Variants in BRCA1 observed in about 807,000 individuals in gnomAD.
BRCA1 encodes the protein BRCA1 DNA repair associated, also known as breast cancer type 1 susceptibility protein.
A neutral mutation model predicts 173.7 loss-of-function variants in BRCA1; 140 were observed. That is an observed-to-expected ratio of 0.81 (90% CI 0.70 to 0.93). BRCA1 has a LOEUF of 0.93. Among genes scored for constraint, BRCA1 ranks in the 40% least tolerant of loss-of-function variants. The pLI is 0.00. For synonymous variants in BRCA1, 662 were observed against 756.0 expected, an observed-to-expected ratio of 0.88 and a Z score of 2.04; for missense variants, 1,983 against 2,172.5, an observed-to-expected ratio of 0.91 and a Z score of 1.73.
Position 43,044,709 on chromosome 17 carries a change from G to A in BRCA1, c.*969C>T, listed in dbSNP as rs921267262. 2.4e-5 allele frequency: 12 copies of A among 505,678 alleles called. No individual in the cohort carries two copies. The highest frequency in any genetic ancestry group is 2.3e-4 in the African/African-American group (12 of 52,258). 31.3% of individuals were successfully genotyped at this position (505,678 alleles called of 1,614,324 possible). On this transcript the variant is annotated 3_prime_UTR_variant, in exon 23 of 23. Transcript: ENST00000357654. ...AATTAGAAGACTGTCTTTGGAAACC[G>A]GTTCTTGAAAATCTTCTGCTGTTTT...
chr17:43,161,679 T>C (rs969066288), intron 1 of BRCA1: 1 of 152,134 alleles, frequency 6.6e-6, no homozygotes, highest in Non-Finnish European at 1.5e-5. Flanking sequence ...GTGAAGTCCT[T>C]CTCCACTCTT....
intron 12 of BRCA1, among the ~76,000 whole-genome samples, chr17:43,077,105 A>C (rs2052769057): frequency 6.6e-6 from 1 of 152,140 alleles, no homozygotes; most frequent in Admixed American, 6.6e-5. Context: ...GGTAAACAAG[A>C]CATGAGTGTC....
chr17:43,148,740 G>T (rs2056140068), intron 1 of BRCA1: 2 of 164,622 alleles, frequency 1.2e-5, no homozygotes, highest in South Asian at 2.0e-4. Flanking sequence ...TGACATTGAG[G>T]ATTCTTTTTT....
intron 1 of BRCA1, among the ~76,000 whole-genome samples, chr17:43,153,037 A>T (rs182345308): frequency 3.9e-4 from 60 of 152,100 alleles, no homozygotes; most frequent in Admixed American, 1.2e-3. Context: ...TCTGTCTCAA[A>T]AATAATAATA....
At chr17:43,120,332 ACT>A (rs1464158014) in intron 2 of BRCA1, among the ~76,000 whole-genome samples, 2 of 152,190 alleles carry the variant, frequency 1.3e-5, no homozygotes, top group African/African-American at 4.8e-5. Flanking sequence ...CACAAATAAC[ACT>A]GTTTCCAGTC....
At chr17:43,131,272 TA>T (rs1251855525) in intron 1 of BRCA1, 24 of 414,090 alleles carry the variant, frequency 5.8e-5, no homozygotes. Flanking sequence ...GATGAAGAGG[TA>T]AAGTATATTA....
At position 43,093,938 on chromosome 17, in the gene BRCA1, C is replaced by T. The variant is rs2154434764; in HGVS notation, c.1593G>A (p.Met531Ile). The T allele has an allele frequency of 6.2e-7, 1 of 1,613,822 alleles. No homozygotes were observed. Among genetic ancestry groups the T allele is most frequent in the South Asian group, 1.1e-5 (1 of 91,032 alleles). ...CCGTTTGGTTAGTTCCCTGATTTATCATTTCAGGAGTCTTTTGAACTGCCA... is the reference window on the plus strand; with the variant it reads ...CCGTTTGGTTAGTTCCCTGATTTATTATTTCAGGAGTCTTTTGAACTGCCA... ...ADLAVQKTPE[M>I]INQGTNQTEQ... Residue 531 changes from methionine to isoleucine, a missense_variant, in exon 10 of 23, where the codon ATG (methionine) becomes ATA (isoleucine). Physicochemically the swap from Met to Ile is conservative, Grantham distance 10. Coordinates refer to ENST00000357654, the MANE Select transcript of BRCA1 (RefSeq NM_007294.4).
upstream of BRCA1, chr17:43,125,371 A>T (rs1253346809): frequency 4.8e-6 from 2 of 414,456 alleles, no homozygotes; most frequent in East Asian, 1.5e-4. Flanking sequence ...CAGCGAGCTC[A>T]CGCCGCGCAG....
chr17:43,076,970 C>A (rs1351139374), intron 12 of BRCA1, among the ~76,000 whole-genome samples: 1 of 151,764 alleles, frequency 6.6e-6, no homozygotes, highest in African/African-American at 2.4e-5. Context: ...AAATTATGCC[C>A]AAATCCCCTC....
rs768054411 is a variant in BRCA1 at position 43,094,174 on chromosome 17, C to G, written c.1357G>C (p.Glu453Gln). ...AATATTTTGTCTTCAATATTACTCTCTACTGATTTGGAGTGAACTCTTTCA... is the reference window on the plus strand; with the variant it reads ...AATATTTTGTCTTCAATATTACTCTGTACTGATTTGGAGTGAACTCTTTCA... ...KSERVHSKSV[E>Q]SNIEDKIFGK... The change falls in exon 10 of 23, where the codon GAG becomes CAG. Residue 453 changes from glutamate (E) to glutamine (Q), a missense_variant. By Grantham distance (29) the Glu-to-Gln change is conservative. Coordinates refer to ENST00000357654, the MANE Select transcript of BRCA1 (RefSeq NM_007294.4). The G allele has an allele frequency of 4.3e-6, 7 of 1,613,946 alleles. No individual in the cohort carries two copies. In the African/African-American group the frequency reaches 5.3e-5, roughly 12 times the overall value.
At chr17:43,131,277 T>C in intron 1 of BRCA1, 1 of 433,714 alleles carries the variant, frequency 2.3e-6, no homozygotes, top group Non-Finnish European at 4.8e-6. Context: ...AGAGGTAAAG[T>C]ATATTATGGT....
chr17:43,074,363 G>A lies in BRCA1; in HGVS notation c.4643C>T (p.Thr1548Met), dbSNP rs273900737. 3.7e-6 allele frequency: 6 copies of A among 1,613,914 alleles called. No homozygotes were observed. The highest frequency in any genetic ancestry group is 1.7e-5 in the Admixed American group (1 of 59,978). Residue 1548 changes from threonine (T) to methionine (M), a missense_variant, in exon 14 of 23, where the codon ACG (threonine) becomes ATG (methionine). Physicochemically the swap from Thr to Met is moderately conservative, Grantham distance 81. Coordinates refer to ENST00000357654, the MANE Select transcript of BRCA1 (RefSeq NM_007294.4). ...TTGCCTTGGCAAGTAAGATGTTTCC[G>A]TCAAATCGTGTGGCCCAGACTCTTC... ...QLEESGPHDLTETSYLPRQDL... is the reference protein window; with the variant it reads ...QLEESGPHDLMETSYLPRQDL...
At chr17:43,074,085 A>G (rs959802560) in intron 14 of BRCA1, among the ~76,000 whole-genome samples, 1 of 152,000 alleles carries the variant, frequency 6.6e-6, no homozygotes. Flanking sequence ...GTACACCAAG[A>G]CTCCCTCATC....
chr17:43,154,727 A>G (rs1359587920), intron 1 of BRCA1, among the ~76,000 whole-genome samples: 2 of 152,196 alleles, frequency 1.3e-5, no homozygotes, highest in Non-Finnish European at 2.9e-5. Flanking sequence ...AGATAGAAAT[A>G]CAGCAGTTTA....
At chr17:43,116,314 T>C (rs1328629036) in intron 2 of BRCA1, among the ~76,000 whole-genome samples, 1 of 152,122 alleles carries the variant, frequency 6.6e-6, no homozygotes, top group Admixed American at 6.6e-5. Flanking sequence ...CCAACAACCA[T>C]CAACTCATGG....
intron 1 of BRCA1, among the ~76,000 whole-genome samples, chr17:43,154,577 T>G (rs546965269): frequency 1.3e-5 from 2 of 151,924 alleles, no homozygotes; most frequent in Admixed American, 1.3e-4. Flanking sequence ...AATAAAAACT[T>G]TAGAAAATAC....
intron 1 of BRCA1, among the ~76,000 whole-genome samples, chr17:43,155,456 A>C (rs12937015): frequency 0.32 from 48,106 of 151,988 alleles, 7,943 homozygotes; most frequent in South Asian, 0.49. Flanking sequence ...GTCTTGAATG[A>C]CTGGCCTCAA....
chr17:43,065,505 C>G (rs937427583), intron 16 of BRCA1, among the ~76,000 whole-genome samples: 2 of 152,084 alleles, frequency 1.3e-5, no homozygotes, highest in African/African-American at 4.8e-5. Context: ...CCTGTCTCTA[C>G]TAAAAATACA....
intron 2 of BRCA1, 113 bp downstream of exon 2, chr17:43,123,904 C>T (rs1436844907): frequency 1.2e-6 from 1 of 841,258 alleles, no homozygotes; most frequent in Non-Finnish European, 2.0e-6. Context: ...ATTACAATAG[C>T]CTAATCTTAC....
Sources: allele counts gnomAD v4.1 joint callset (sites outside exome capture counted in the v4.1 genomes callset), GRCh38; gene constraint gnomAD v4.1.1; transcripts MANE v1.5; gene names NCBI Gene and HGNC (gene_info 2026-07-23, HGNC 2026-07-21).